Variants in SCLT1 observed in about 807,000 individuals in gnomAD.
SCLT1 encodes the protein sodium channel and clathrin linker 1, also known as sodium channel-associated protein 1.
SCLT1 carries 78 observed loss-of-function variants against 112.8 expected under a neutral mutation model. The observed-to-expected ratio is 0.69, with a 90% CI of 0.58 to 0.83. The LOEUF (loss-of-function observed/expected upper bound fraction) is 0.83. SCLT1 is among the 40% of genes least tolerant of loss of function. The pLI is 0.00. For synonymous variants in SCLT1, 257 were observed against 254.7 expected (o/e 1.01, Z -0.09); for missense variants, 747 against 770.4 (o/e 0.97, Z 0.36).
intron 5 of SCLT1, among the ~76,000 whole-genome samples, chr4:129,026,113 A>C (rs1312826023): frequency 1.3e-5 from 2 of 152,110 alleles, no homozygotes; most frequent in African/African-American, 4.8e-5. Flanking sequence ...AGACTTTAAC[A>C]CCCCACTGTC....
intron 4 of SCLT1, chr4:129,040,166 T>C (rs1747576700): frequency 1.4e-6 from 1 of 702,606 alleles, no homozygotes; most frequent in Non-Finnish European, 2.6e-6. Flanking sequence ...AAATTCTAAC[T>C]ATAAATTTGG....
At chr4:129,024,437 AG>A (rs773032697) in intron 5 of SCLT1, among the ~76,000 whole-genome samples, 100 of 152,328 alleles carry the variant, frequency 6.6e-4, no homozygotes, top group Non-Finnish European at 1.1e-3. Context: ...CCAGGCAAAC[AG>A]GGTCTGGAAT....
At position 128,943,140 on chromosome 4, in the gene SCLT1, T is replaced by C. The variant is rs755080205; in HGVS notation, c.1488A>G (p.Gln496=). 6.2e-7 allele frequency: 1 copy of C among 1,611,586 alleles called. No individual in the cohort carries two copies. The highest frequency in any genetic ancestry group is 8.5e-7 in the Non-Finnish European group (1 of 1,179,058). ...TCTCTCTCTCAGACTCCAATACATT[T>C]TGAAGTTTCTGAATCATTTCTTGGT... ...SRYQEMIQKL[Q]NVLESERENC... The change falls in exon 17 of 21, where the codon CAA becomes CAG. Residue 496 remains glutamine (Q), a synonymous_variant. Transcript: ENST00000281142.
chr4:128,962,452 A>G (rs1211724528), intron 11 of SCLT1, among the ~76,000 whole-genome samples: 2 of 152,148 alleles, frequency 1.3e-5, no homozygotes, highest in African/African-American at 4.8e-5. Flanking sequence ...CGTTAATTGT[A>G]TATTATGTCT....
chr4:128,943,860 T>C (rs1737919337), intron 16 of SCLT1, among the ~76,000 whole-genome samples: 2 of 152,002 alleles, frequency 1.3e-5, no homozygotes, highest in South Asian at 4.2e-4. Context: ...ACTGTGAACA[T>C]TCCCTGGTTA....
intron 18 of SCLT1, among the ~76,000 whole-genome samples, chr4:128,918,787 GACAAA>G (rs1161579386): frequency 1.3e-5 from 2 of 152,092 alleles, no homozygotes; most frequent in Non-Finnish European, 2.9e-5. Context: ...TCTAATTTCA[GACAAA>G]ACAGTCTTTA....
At chr4:129,045,315 A>T (rs1312407388) in intron 2 of SCLT1, among the ~76,000 whole-genome samples, 2 of 152,080 alleles carry the variant, frequency 1.3e-5, no homozygotes, top group African/African-American at 4.8e-5. Context: ...CTATAAATGG[A>T]AAGACTGACA....
chr4:128,890,849 G>GCT (rs1241522121), intron 19 of SCLT1, among the ~76,000 whole-genome samples: 1 of 152,096 alleles, frequency 6.6e-6, no homozygotes, highest in Non-Finnish European at 1.5e-5. Context: ...AGAAATAAGA[G>GCT]CTCTACCTTT....
intron 6 of SCLT1, among the ~76,000 whole-genome samples, chr4:129,003,454 G>GA (rs970081063): frequency 7.0e-6 from 1 of 143,674 alleles, no homozygotes. Flanking sequence ...AAAAGAAAAA[G>GA]AAAAAAAAGA....
At chr4:129,084,324 G>A (rs1446870323) in intron 1 of SCLT1, among the ~76,000 whole-genome samples, 2 of 152,034 alleles carry the variant, frequency 1.3e-5, no homozygotes, top group Admixed American at 6.5e-5. Flanking sequence ...CAATCATGAA[G>A]ATTAACAAAG....
intron 18 of SCLT1, among the ~76,000 whole-genome samples, chr4:128,894,361 G>A (rs1733566125): frequency 1.1e-5 from 1 of 90,494 alleles, no homozygotes; most frequent in African/African-American, 4.7e-5. Flanking sequence ...CATTGAGTAA[G>A]TAACACACAC....
At chr4:129,010,280 G>A (rs188702750) in intron 5 of SCLT1, among the ~76,000 whole-genome samples, 15 of 152,246 alleles carry the variant, frequency 9.9e-5, no homozygotes, top group Admixed American at 2.6e-4. Flanking sequence ...CTATGTGCCC[G>A]TTTTTGTACC....
intron 5 of SCLT1, among the ~76,000 whole-genome samples, chr4:129,023,443 T>C (rs1460562456): frequency 6.6e-6 from 1 of 151,874 alleles, no homozygotes; most frequent in African/African-American, 2.4e-5. Context: ...AATAAAGGGA[T>C]GGAGGAATAT....
intron 3 of SCLT1, among the ~76,000 whole-genome samples, chr4:128,878,737 A>G (rs1482288224): frequency 6.6e-6 from 1 of 152,176 alleles, no homozygotes; most frequent in Non-Finnish European, 1.5e-5. Flanking sequence ...AAATCTGGAA[A>G]CTTTCAAAAG....
intron 5 of SCLT1, among the ~76,000 whole-genome samples, chr4:129,033,502 TAAAAAAAAAAAAAA>T (rs56325033): frequency 2.3e-4 from 10 of 44,312 alleles, no homozygotes; most frequent in Middle Eastern, 0.026. Flanking sequence ...GAACTTAAAG[TAAAAAAAAAAAAAA>T]AAAAAAAAAA....
chr4:129,075,360 C>T (rs1012880112), intron 2 of SCLT1, among the ~76,000 whole-genome samples: 9 of 152,112 alleles, frequency 5.9e-5, no homozygotes, highest in African/African-American at 1.7e-4. Context: ...TAATTTTCAT[C>T]ATTTATCAAT....
intron 2 of SCLT1, among the ~76,000 whole-genome samples, chr4:129,063,241 C>T (rs1240067064): frequency 2.0e-5 from 3 of 152,172 alleles, no homozygotes; most frequent in Non-Finnish European, 4.4e-5. Context: ...TCTTACGTTG[C>T]CATCTTAACA....
chr4:129,090,457 T>C (rs1185056112), intron 1 of SCLT1, among the ~76,000 whole-genome samples: 3 of 152,216 alleles, frequency 2.0e-5, no homozygotes. Context: ...TTTAACTGTA[T>C]GAACCATAGA....
At chr4:128,883,907 C>T (rs1732711798), downstream of SCLT1, 1 of 152,182 alleles carries the variant, frequency 6.6e-6, no homozygotes, top group South Asian at 2.1e-4. Flanking sequence ...CTTCCAAATT[C>T]TTAAATATCA....
Sources: allele counts gnomAD v4.1 joint callset (sites outside exome capture counted in the v4.1 genomes callset), GRCh38; gene constraint gnomAD v4.1.1; transcripts MANE v1.5; gene names NCBI Gene and HGNC (gene_info 2026-07-23, HGNC 2026-07-21).